MED13L: variants seen among roughly 807,000 people sequenced by gnomAD.
MED13L encodes the protein mediator of RNA polymerase II transcription subunit 13-like.
Under a neutral mutation model 220.9 loss-of-function variants are expected in MED13L, and 7 were observed. The ratio of observed to expected loss-of-function variants is 0.03; its 90% CI spans 0.02 to 0.06. The LOEUF (loss-of-function observed/expected upper bound fraction) is 0.06. Among genes scored for constraint, MED13L ranks in the 10% least tolerant of loss-of-function variants. The probability of loss-of-function intolerance (pLI) is 1.00; values close to 1 mark genes in which losing one functional copy is unlikely to be tolerated. For missense variants in MED13L, 1,965 were observed against 2,760.5 expected (o/e 0.71, Z 6.46); for synonymous variants, 1,011 against 1,015.2 (o/e 1.00, Z 0.08).
At chr12:116,195,333 T>TG (rs1238047704) in intron 2 of MED13L, among the ~76,000 whole-genome samples, 1 of 151,684 alleles carries the variant, frequency 6.6e-6, no homozygotes, top group East Asian at 1.9e-4. Flanking sequence ...CTGTGGGGAG[T>TG]GGGGGGACTT....
intron 1 of MED13L, 127 bp downstream of exon 1, chr12:116,276,933 G>C (rs1873904420): frequency 1.8e-6 from 2 of 1,105,114 alleles, no homozygotes; most frequent in Admixed American, 4.1e-5. Context: ...GGCGAGAGGC[G>C]AACGGCGGGG....
In MED13L at chr12:116,128,328, G is replaced by T. The variant is rs549776930; in HGVS notation, c.311-16816C>A. Among the ~76,000 whole-genome samples, 33 of 151,988 alleles carry T rather than the reference G, an allele frequency of 2.2e-4. No individual in the cohort carries two copies. In the South Asian group the frequency reaches 6.7e-3, roughly 31 times the overall value. On this transcript the variant is annotated intron_variant, in intron 2 of 30. Coordinates refer to ENST00000281928, the MANE Select transcript of MED13L (RefSeq NM_015335.5). ...AAGGATTTTTATACTACGCAAAATA[G>T]CCAAACAGACACGTTTATAAAAGGC...
In MED13L at chr12:116,032,179, C is replaced by T. The variant is rs141325545; in HGVS notation, c.480-9578G>A. 3.0e-3 allele frequency among the ~76,000 whole-genome samples: 450 copies of T among 152,036 alleles called. 1 individual carries two copies. The highest frequency in any genetic ancestry group is 0.01 in the African/African-American group (431 of 41,470). On this transcript the variant is annotated intron_variant, in intron 4 of 30. Transcript: ENST00000281928. ...CATATATTCCTGGATATAATAAATA[C>T]CATAAAGATTATAATTTCCCAAAAT...
Position 115,996,527 on chromosome 12 carries a change from A to C in MED13L, c.2945T>G (p.Ile982Ser). 1 of 1,614,226 alleles carries C rather than the reference A, an allele frequency of 6.2e-7. No homozygotes were observed. ...TGCAGGGGGCATGGGCAGTTGTTCA[A>C]TTTTAGGAGGAATTGCCCATGAAGG... The part of the protein sequence containing the change: ...FRPSWAIPPK[I>S]EQLPMPPAAT... Residue 982 changes from isoleucine to serine, a missense_variant, in exon 16 of 31, where the codon ATT becomes AGT. This residue lies in a region of MED13L where 233 missense variants were observed against 306.2 expected (regional missense o/e 0.76). Coordinates refer to ENST00000281928, the MANE Select transcript of MED13L (RefSeq NM_015335.5).
At chr12:116,160,850 G>A (rs138874428) in intron 2 of MED13L, among the ~76,000 whole-genome samples, 48 of 151,438 alleles carry the variant, frequency 3.2e-4, no homozygotes, top group African/African-American at 1.1e-3. Context: ...TTATAGGCGT[G>A]AGCCACCGTG....
At chr12:115,984,597 A>C (rs1877557767) in intron 19 of MED13L, among the ~76,000 whole-genome samples, 1 of 150,198 alleles carries the variant, frequency 6.7e-6, no homozygotes, top group Non-Finnish European at 1.5e-5. Flanking sequence ...AGGCTCTCTA[A>C]AAAAAAAAAT....
chr12:116,176,243 G>A (rs891680155), intron 2 of MED13L, among the ~76,000 whole-genome samples: 8 of 152,048 alleles, frequency 5.3e-5, no homozygotes. Context: ...TGTAGAACAG[G>A]GATAATAGCA....
chr12:116,068,644 A>C (rs1349578411), intron 4 of MED13L, among the ~76,000 whole-genome samples: 2 of 152,156 alleles, frequency 1.3e-5, no homozygotes, highest in Non-Finnish European at 2.9e-5. Flanking sequence ...CAGAATAAGA[A>C]ATCTGAATTC....
rs12315541 is a variant in MED13L at position 116,243,931 on chromosome 12, C to A, written c.73-6226G>T. On this transcript the variant is annotated intron_variant, in intron 1 of 30. Transcript: ENST00000281928. The stretch of plus-strand genomic sequence containing the variant: ...TCTCCTGGCCCAGGCTAATTACATC[C>A]CACTCATAAAAGCAACTTGTAAATG... 5.5e-3 allele frequency among the ~76,000 whole-genome samples: 838 copies of A among 152,260 alleles called. 8 individuals carry two copies. Among genetic ancestry groups the A allele is most frequent in the African/African-American group, 0.02 (815 of 41,556 alleles).
intron 4 of MED13L, among the ~76,000 whole-genome samples, chr12:116,033,904 A>T (rs1264513150): frequency 6.6e-6 from 1 of 152,168 alleles, no homozygotes; most frequent in African/African-American, 2.4e-5. Context: ...GGAAACATTC[A>T]ATATTAGCAC....
At chr12:116,037,024 A>C (rs1415346574) in intron 4 of MED13L, among the ~76,000 whole-genome samples, 1 of 152,190 alleles carries the variant, frequency 6.6e-6, no homozygotes, top group Non-Finnish European at 1.5e-5. Context: ...CAGGAAAGTT[A>C]ATTGCACATA....
intron 2 of MED13L, among the ~76,000 whole-genome samples, chr12:116,189,449 G>A (rs1881126364): frequency 6.6e-6 from 1 of 151,896 alleles, no homozygotes; most frequent in South Asian, 2.1e-4. Flanking sequence ...CCATTCTGTA[G>A]CCTATCTTTT....
At chr12:116,050,184 T>C (rs926621892) in intron 4 of MED13L, among the ~76,000 whole-genome samples, 5 of 152,062 alleles carry the variant, frequency 3.3e-5, no homozygotes, top group Non-Finnish European at 5.9e-5. Context: ...ACTCTAAGAG[T>C]TGAATTAACT....
At chr12:116,247,471 C>A (rs931748069) in intron 1 of MED13L, among the ~76,000 whole-genome samples, 5 of 152,044 alleles carry the variant, frequency 3.3e-5, no homozygotes, top group Non-Finnish European at 7.4e-5. Flanking sequence ...CTATTAAAAC[C>A]CAGCTGGACA....
intron 2 of MED13L, among the ~76,000 whole-genome samples, chr12:116,201,320 T>C (rs1463451569): frequency 1.3e-5 from 2 of 152,154 alleles, no homozygotes; most frequent in African/African-American, 4.8e-5. Context: ...TTTTGGTCAT[T>C]AAGTCCATCC....
chr12:116,221,370 T>C (rs1361685894), intron 2 of MED13L, among the ~76,000 whole-genome samples: 1 of 146,050 alleles, frequency 6.8e-6, no homozygotes, highest in Admixed American at 6.8e-5. Flanking sequence ...TAAGACCCTG[T>C]CTTAAAAAAA....
intron 5 of MED13L, among the ~76,000 whole-genome samples, chr12:116,022,180 T>G (rs1880098394): frequency 6.6e-6 from 1 of 152,238 alleles, no homozygotes; most frequent in South Asian, 2.1e-4. Context: ...TTTATTGATT[T>G]TCTTTTGTTC....
intron 9 of MED13L, 88 bp downstream of exon 9, chr12:116,012,709 G>C (rs1028658314): frequency 1.0e-6 from 1 of 957,050 alleles, no homozygotes; most frequent in Admixed American, 1.7e-5. Context: ...TGGAGAATCA[G>C]GAAGAACTGA....
intron 2 of MED13L, among the ~76,000 whole-genome samples, chr12:116,221,937 G>A (rs1314339185): frequency 6.6e-6 from 1 of 152,060 alleles, no homozygotes; most frequent in Non-Finnish European, 1.5e-5. Flanking sequence ...GCCAAAGACA[G>A]AAAGTGGTTA....
Sources: allele counts gnomAD v4.1 joint callset (sites outside exome capture counted in the v4.1 genomes callset), GRCh38; gene constraint gnomAD v4.1.1; regional missense constraint gnomAD v4.1.1; transcripts MANE v1.5; gene names NCBI Gene and HGNC (gene_info 2026-07-23, HGNC 2026-07-21).